Variants in ABI2 observed in about 807,000 individuals in gnomAD.
The protein encoded by ABI2 is abelson interactor 2.
In ABI2, 25 loss-of-function variants were observed where a neutral mutation model predicts 59.2. That is an observed-to-expected ratio of 0.42 (90% confidence interval 0.31 to 0.59). The LOEUF (loss-of-function observed/expected upper bound fraction) is 0.59, where lower values mean the gene tolerates loss of function less well. Among genes scored for constraint, ABI2 ranks in the 20% least tolerant of loss-of-function variants. The pLI, the probability that ABI2 is intolerant of heterozygous loss-of-function variation, is 0.14. For synonymous variants in ABI2, 213 were observed against 235.5 expected (o/e 0.90, Z 0.87); for missense variants, 545 against 681.8 (o/e 0.80, Z 2.23).
At chr2:203,329,019 G>T (rs980331730) in intron 1 of ABI2, 3 of 167,682 alleles carry the variant, frequency 1.8e-5, no homozygotes, top group Non-Finnish European at 3.8e-5. Flanking sequence ...GTGTTGACGG[G>T]TTACCTCCAT....
intron 1 of ABI2, among the ~76,000 whole-genome samples, chr2:203,353,825 T>C (rs1033546437): frequency 6.6e-6 from 1 of 152,112 alleles, no homozygotes; most frequent in African/African-American, 2.4e-5. Context: ...CTTATCTGTT[T>C]CTTCTGGTAC....
At chr2:203,339,441 G>A (rs116231585) in intron 1 of ABI2, among the ~76,000 whole-genome samples, 81 of 151,932 alleles carry the variant, frequency 5.3e-4, no homozygotes, top group African/African-American at 1.9e-3. Context: ...TTAGCTGGGT[G>A]TGGTTGGCGG....
chr2:203,338,607 G>A (rs2077524509), intron 1 of ABI2, among the ~76,000 whole-genome samples: 1 of 152,010 alleles, frequency 6.6e-6, no homozygotes, highest in Admixed American at 6.6e-5. Flanking sequence ...AGAACCAAGA[G>A]CCGATTAAAC....
At position 203,402,665 on chromosome 2, in the gene ABI2, C is replaced by G. The variant is rs774375379; in HGVS notation, c.1123C>G (p.Pro375Ala). 1.1e-5 allele frequency: 17 copies of G among 1,606,560 alleles called. No individual in the cohort carries two copies. The Admixed American group carries it at 2.9e-4, about 27-fold the overall frequency. ...GGGCTCGTTGCCCTATAGACGCCCT[C>G]CTTCCATTACTTCACAAACAAGCCT... ...IGGSLPYRRP[P>A]SITSQTSLQN... Residue 375 changes from proline to alanine, a missense_variant, in exon 9 of 12, where the codon CCT becomes GCT. Around this residue, in one of 4 missense-constraint regions of ABI2, gnomAD observed 410 missense variants for 435.6 expected, o/e 0.94. Coordinates refer to ENST00000261018, the MANE Select transcript of ABI2 (RefSeq NM_001375670.1).
chr2:203,331,808 CTT>C (rs55695294), intron 1 of ABI2, among the ~76,000 whole-genome samples: 77,572 of 121,470 alleles, frequency 0.64, 23,979 homozygotes, highest in Middle Eastern at 0.77. Flanking sequence ...GCTCAGTGTT[CTT>C]TTTTTTTTTT....
At chr2:203,341,933 A>G (rs1251750691) in intron 1 of ABI2, among the ~76,000 whole-genome samples, 1 of 152,196 alleles carries the variant, frequency 6.6e-6, no homozygotes, top group Non-Finnish European at 1.5e-5. Context: ...AGCTCATCAA[A>G]TGTCTGAACT....
chr2:203,413,556 C>A (rs1316219513), intron 10 of ABI2, among the ~76,000 whole-genome samples: 2 of 152,130 alleles, frequency 1.3e-5, no homozygotes, highest in Non-Finnish European at 2.9e-5. Flanking sequence ...TGGTCTTTTT[C>A]ATCTTTTCCT....
intron 1 of ABI2, among the ~76,000 whole-genome samples, chr2:203,339,944 A>C (rs553468425): frequency 2.0e-4 from 30 of 152,342 alleles, no homozygotes; most frequent in African/African-American, 6.5e-4. Context: ...TCCCATCTGT[A>C]TATGTGGATG....
At chr2:203,395,930 G>A in intron 7 of ABI2, 150 bp downstream of exon 7, 1 of 986,994 alleles carries the variant, frequency 1.0e-6, no homozygotes, top group Non-Finnish European at 1.4e-6. Context: ...TTATTTGTAA[G>A]CAAGTGATTT....
chr2:203,378,068 G>A (rs894389644), intron 2 of ABI2, among the ~76,000 whole-genome samples: 5 of 151,868 alleles, frequency 3.3e-5, no homozygotes, highest in East Asian at 1.9e-4. Context: ...CCTAACATGC[G>A]TAGAAAAGTT....
At chr2:203,369,948 C>A (rs1046146686) in intron 2 of ABI2, among the ~76,000 whole-genome samples, 2 of 151,280 alleles carry the variant, frequency 1.3e-5, no homozygotes, top group African/African-American at 4.9e-5. Flanking sequence ...AGGTAGAATT[C>A]TTTATTTAAA....
intron 6 of ABI2, 69 bp from the exon 7 acceptor site, chr2:203,395,587 T>C: frequency 2.0e-6 from 3 of 1,488,140 alleles, no homozygotes; most frequent in Non-Finnish European, 2.7e-6. Flanking sequence ...TCTCAGAAAA[T>C]GTCGGGAAGT....
chr2:203,374,882 A>C, intron 2 of ABI2: 1 of 453,102 alleles, frequency 2.2e-6, no homozygotes, highest in Non-Finnish European at 4.5e-6. Context: ...TCAACTTTCA[A>C]TTATCTGTGG....
chr2:203,350,862 T>TTG (rs200198424), intron 1 of ABI2, among the ~76,000 whole-genome samples: 7,242 of 137,790 alleles, frequency 0.053, 318 homozygotes, highest in African/African-American at 0.13. Context: ...GTTGTGTGTT[T>TTG]TGTGTGTGTG....
At chr2:203,355,637 C>G (rs533037363) in intron 1 of ABI2, among the ~76,000 whole-genome samples, 1 of 151,894 alleles carries the variant, frequency 6.6e-6, no homozygotes, top group South Asian at 2.1e-4. Context: ...CCAGACCAGC[C>G]TGATCAACAT....
chr2:203,417,815 C>T (rs559227927), intron 11 of ABI2, among the ~76,000 whole-genome samples: 182 of 152,216 alleles, frequency 1.2e-3, no homozygotes, highest in African/African-American at 4.3e-3. Flanking sequence ...TAAAACCCCA[C>T]AAAATAATGG....
rs1200657418 is a variant in ABI2, at chr2:203,394,738, C to T, written c.617C>T (p.Pro206Leu). The T allele has an allele frequency of 1.2e-6, 2 of 1,613,958 alleles. No homozygotes were observed. Among genetic ancestry groups the T allele is most frequent in the Admixed American group, 3.3e-5 (2 of 59,994 alleles). ...TATCGCACACTGGAGCCAGTGCGTC[C>T]TCCAGTGGTACCAAATGATTACGTA... is the stretch of plus-strand genomic sequence containing the variant. ...SPYRTLEPVR[P>L]PVVPNDYVPS... is the part of the protein sequence containing the mutation. The change falls in exon 6 of 12, where the codon CCT (proline) becomes CTT (leucine). Residue 206 changes from proline to leucine, a missense_variant. By Grantham distance (98) the Pro-to-Leu change is moderately conservative. This residue lies in a region of ABI2 where 410 missense variants were observed against 435.6 expected (regional missense o/e 0.94). Transcript: ENST00000261018.
intron 3 of ABI2, among the ~76,000 whole-genome samples, chr2:203,381,478 G>A (rs1285402608): frequency 6.6e-6 from 1 of 152,078 alleles, no homozygotes; most frequent in Non-Finnish European, 1.5e-5. Context: ...TGTTGCCCAG[G>A]GTGGTCATGA....
At chr2:203,334,414 C>G (rs1021984372) in intron 1 of ABI2, among the ~76,000 whole-genome samples, 3 of 152,090 alleles carry the variant, frequency 2.0e-5, no homozygotes, top group Non-Finnish European at 4.4e-5. Context: ...TTTGGTGTTA[C>G]TTTTTCTTTT....
Sources: gnomAD v4.1 joint callset for allele counts (sites outside exome capture counted in the v4.1 genomes callset) on GRCh38, gnomAD v4.1.1 for gene constraint, gnomAD v4.1.1 regional missense constraint, MANE v1.5 for transcripts, NCBI Gene and HGNC (gene_info 2026-07-23, HGNC 2026-07-21) for gene names.